Variants in LRRC7 observed in about 807,000 individuals in gnomAD.
The protein encoded by LRRC7 is leucine rich repeat containing 7.
LRRC7 carries 23 observed loss-of-function variants against 175.7 expected under a neutral mutation model. The ratio of observed to expected loss-of-function variants is 0.13; its 90% CI spans 0.09 to 0.19. The LOEUF (loss-of-function observed/expected upper bound fraction) is 0.19. Ranked by LOEUF, LRRC7 falls within the 10% of genes least tolerant of loss-of-function variation. The pLI is 1.00. For missense variants in LRRC7, 1,354 were observed against 1,904.7 expected, an observed-to-expected ratio of 0.71 and a Z score of 5.38; for synonymous variants, 685 against 680.9, an observed-to-expected ratio of 1.01 and a Z score of -0.09.
intron 7 of LRRC7, among the ~76,000 whole-genome samples, chr1:69,918,953 T>G (rs1646799892): frequency 6.6e-6 from 1 of 152,104 alleles, no homozygotes. Context: ...GGAAGCTATA[T>G]TATAAATTTT....
At chr1:70,075,448 T>C (rs927435317) in intron 23 of LRRC7, among the ~76,000 whole-genome samples, 2 of 152,206 alleles carry the variant, frequency 1.3e-5, no homozygotes, top group African/African-American at 4.8e-5. Context: ...TAAAGGGTAC[T>C]GATTAATCTC....
intron 2 of LRRC7, among the ~76,000 whole-genome samples, chr1:69,704,297 G>A (rs986931229): frequency 1.3e-5 from 2 of 151,936 alleles, no homozygotes; most frequent in Non-Finnish European, 2.9e-5. Flanking sequence ...ATGTCTGTTT[G>A]TGTGTACACT....
intron 4 of LRRC7, among the ~76,000 whole-genome samples, chr1:69,816,333 G>T (rs900894295): frequency 6.6e-6 from 1 of 152,150 alleles, no homozygotes; most frequent in African/African-American, 2.4e-5. Context: ...CTGCTATCAT[G>T]ACCTAATTAT....
chr1:70,061,458 G>T (rs570123655), intron 23 of LRRC7, among the ~76,000 whole-genome samples: 50 of 152,218 alleles, frequency 3.3e-4, no homozygotes, highest in African/African-American at 1.2e-3. Flanking sequence ...TTATGCTGAG[G>T]CTGCTGAGGA....
At chr1:69,853,270 C>CTTTA in intron 7 of LRRC7, among the ~76,000 whole-genome samples, 1 of 88,016 alleles carries the variant, frequency 1.1e-5, no homozygotes, top group South Asian at 4.3e-4. Context: ...TCCTTTCTTT[C>CTTTA]TTTTTTTTTT....
intron 7 of LRRC7, among the ~76,000 whole-genome samples, chr1:69,895,216 G>C (rs1242599961): frequency 6.6e-6 from 1 of 152,052 alleles, no homozygotes; most frequent in East Asian, 1.9e-4. Context: ...TGGGCAACAA[G>C]AGTGAAACTC....
At chr1:70,067,603 G>A (rs868306122) in intron 23 of LRRC7, among the ~76,000 whole-genome samples, 1 of 151,962 alleles carries the variant, frequency 6.6e-6, no homozygotes, top group Non-Finnish European at 1.5e-5. Flanking sequence ...ACTTGTTTTA[G>A]CTATTCTAGA....
At chr1:69,614,687 C>T (rs1285191624) in intron 1 of LRRC7, among the ~76,000 whole-genome samples, 1 of 152,016 alleles carries the variant, frequency 6.6e-6, no homozygotes, top group Non-Finnish European at 1.5e-5. Flanking sequence ...TATCGTGGCT[C>T]TCCTGTTAAC....
At chr1:69,800,034 C>T (rs911035839) in intron 4 of LRRC7, among the ~76,000 whole-genome samples, 1 of 152,014 alleles carries the variant, frequency 6.6e-6, no homozygotes, top group Non-Finnish European at 1.5e-5. Context: ...TCAACTTTGT[C>T]AAAGATCCAT....
chr1:69,779,393 T>C (rs74087713), intron 3 of LRRC7, among the ~76,000 whole-genome samples: 574 of 152,348 alleles, frequency 3.8e-3, no homozygotes, highest in African/African-American at 0.013. Flanking sequence ...CATTTTTCTA[T>C]TTCATTGTGG....
intron 8 of LRRC7, among the ~76,000 whole-genome samples, chr1:69,945,141 G>A (rs12024249): frequency 0.048 from 7,332 of 152,142 alleles, 181 homozygotes; most frequent in South Asian, 0.1. Flanking sequence ...GTTTCGGGAC[G>A]TACATTACTT....
chr1:69,813,174 A>G (rs1458314377), intron 4 of LRRC7, among the ~76,000 whole-genome samples: 2 of 151,992 alleles, frequency 1.3e-5, no homozygotes, highest in African/African-American at 2.4e-5. Flanking sequence ...CCCTCTTTAT[A>G]TGGTTCAAAT....
At chr1:70,104,714 G>A (rs1199099237) in intron 25 of LRRC7, among the ~76,000 whole-genome samples, 1 of 152,114 alleles carries the variant, frequency 6.6e-6, no homozygotes, top group African/African-American at 2.4e-5. Flanking sequence ...TCAGAACAGA[G>A]GTTGAATCCT....
At chr1:69,784,481 A>G (rs1303009663) in intron 3 of LRRC7, among the ~76,000 whole-genome samples, 1 of 152,232 alleles carries the variant, frequency 6.6e-6, no homozygotes, top group African/African-American at 2.4e-5. Flanking sequence ...AATGACTCAC[A>G]AAAGACATGG....
At chr1:69,848,016 G>T (rs12086732) in intron 7 of LRRC7, among the ~76,000 whole-genome samples, 16,133 of 151,944 alleles carry the variant, frequency 0.11, 2,059 homozygotes, top group African/African-American at 0.31. Context: ...TTTATATCTC[G>T]AAGCATCTTT....
intron 21 of LRRC7, 125 bp downstream of exon 21, chr1:70,039,918 T>A (rs998429701): frequency 1.2e-5 from 15 of 1,261,260 alleles, no homozygotes; most frequent in Non-Finnish European, 1.5e-5. Flanking sequence ...ATTTTATTTA[T>A]CTTTATATTG....
intron 8 of LRRC7, among the ~76,000 whole-genome samples, chr1:69,968,742 C>T (rs1328935422): frequency 1.3e-5 from 2 of 152,160 alleles, no homozygotes; most frequent in Non-Finnish European, 2.9e-5. Flanking sequence ...AGAGAATTCA[C>T]CACTCTCAAG....
In LRRC7 at chr1:69,857,799, C is replaced by A. The variant is rs544379499; in HGVS notation, c.647+19516C>A. Among the ~76,000 whole-genome samples the A allele has an allele frequency of 2.4e-4, 37 of 152,260 alleles. No homozygotes were observed. In the Middle Eastern group the frequency reaches 0.01, roughly 42 times the overall value. ...TGGAACCAAAAAAGAGCCCACATTGCCAAGACAATCCTAAGCCGAAAGAAC... is the reference window on the plus strand; with the variant it reads ...TGGAACCAAAAAAGAGCCCACATTGACAAGACAATCCTAAGCCGAAAGAAC... On this transcript the variant is annotated intron_variant, in intron 7 of 26. Transcript: ENST00000651989.
chr1:69,723,111 T>C (rs141055684), intron 2 of LRRC7, among the ~76,000 whole-genome samples: 12 of 152,272 alleles, frequency 7.9e-5, no homozygotes, highest in Admixed American at 2.0e-4. Flanking sequence ...ATAATTTCTA[T>C]TGGTATTTAA....
Sources: gnomAD v4.1 joint callset for allele counts (sites outside exome capture counted in the v4.1 genomes callset) on GRCh38, gnomAD v4.1.1 for gene constraint, MANE v1.5 for transcripts, NCBI Gene and HGNC (gene_info 2026-07-23, HGNC 2026-07-21) for gene names.